The following TRIM2 variants were observed in gnomAD, a reference collection of about 807,000 sequenced individuals.
TRIM2 encodes the protein tripartite motif-containing protein 2.
In TRIM2, 20 loss-of-function variants were observed where a neutral mutation model predicts 75.2. That is an observed-to-expected ratio of 0.27 (90% CI 0.19 to 0.39). The LOEUF is 0.39. Among genes scored for constraint, TRIM2 ranks in the 10% least tolerant of loss-of-function variants. TRIM2 has a pLI of 1.00. For synonymous variants in TRIM2, 373 were observed against 388.3 expected (o/e 0.96, Z 0.46); for missense variants, 660 against 990.8 (o/e 0.67, Z 4.48).
intron 1 of TRIM2, among the ~76,000 whole-genome samples, chr4:153,195,471 G>A (rs1733669344): frequency 1.3e-5 from 2 of 152,026 alleles, no homozygotes; most frequent in South Asian, 2.1e-4. Flanking sequence ...AGCTGAGATC[G>A]CACCACTACG....
chr4:153,254,615 A>G (rs1751620849), intron 1 of TRIM2, among the ~76,000 whole-genome samples: 1 of 152,202 alleles, frequency 6.6e-6, no homozygotes, highest in African/African-American at 2.4e-5. Flanking sequence ...TGCCAAGGAG[A>G]TGATGCTTGG....
intron 3 of TRIM2, among the ~76,000 whole-genome samples, chr4:153,288,377 C>G (rs1761126546): frequency 6.6e-6 from 1 of 152,086 alleles, no homozygotes; most frequent in Admixed American, 6.5e-5. Context: ...CCAGAGGTTG[C>G]AGTGAGCCAA....
intron 1 of TRIM2, among the ~76,000 whole-genome samples, chr4:153,157,550 A>C (rs1729348460): frequency 6.6e-6 from 1 of 152,208 alleles, no homozygotes; most frequent in African/African-American, 2.4e-5. Flanking sequence ...CCCAATTTTG[A>C]GTTGCCAAAA....
At chr4:153,172,235 C>A (rs137897438) in intron 1 of TRIM2, among the ~76,000 whole-genome samples, 86 of 151,938 alleles carry the variant, frequency 5.7e-4, no homozygotes, top group African/African-American at 1.9e-3. Context: ...TCACCCAGGC[C>A]GGAGTGCAGT....
chr4:153,260,671 C>G (rs572411026), intron 1 of TRIM2, among the ~76,000 whole-genome samples: 1 of 113,812 alleles, frequency 8.8e-6, no homozygotes, highest in African/African-American at 3.1e-5. Context: ...CCAAAACACA[C>G]ACACCCACCC....
chr4:153,198,844 G>A (rs910908062), intron 1 of TRIM2, among the ~76,000 whole-genome samples: 2 of 152,162 alleles, frequency 1.3e-5, no homozygotes, highest in African/African-American at 2.4e-5. Flanking sequence ...CTCTGCTTAT[G>A]GGTAATTGAG....
intron 6 of TRIM2, among the ~76,000 whole-genome samples, chr4:153,303,020 T>A (rs547102955): frequency 4.1e-4 from 63 of 152,292 alleles, no homozygotes; most frequent in Middle Eastern, 3.4e-3. Context: ...ACAGATCAGG[T>A]GACAATGCAT....
chr4:153,302,305 A>G (rs778137176), intron 6 of TRIM2, among the ~76,000 whole-genome samples: 8 of 152,202 alleles, frequency 5.3e-5, no homozygotes, highest in Non-Finnish European at 1.0e-4. Context: ...TCACTATGCA[A>G]TAATATACCT....
chr4:153,244,990 C>T (rs1748735180), intron 1 of TRIM2, among the ~76,000 whole-genome samples: 1 of 152,184 alleles, frequency 6.6e-6, no homozygotes, highest in Non-Finnish European at 1.5e-5. Flanking sequence ...TCATTCATCA[C>T]AGGTTCTTTT....
At chr4:153,222,185 A>C (rs1471991005) in intron 1 of TRIM2, 1 of 151,856 alleles carries the variant, frequency 6.6e-6, no homozygotes, top group Non-Finnish European at 1.5e-5. Context: ...TACTTGACTC[A>C]TTTGTTAACA....
intron 3 of TRIM2, among the ~76,000 whole-genome samples, chr4:153,286,615 C>T (rs1378276509): frequency 6.6e-6 from 1 of 152,118 alleles, no homozygotes; most frequent in East Asian, 1.9e-4. Context: ...TAGCATAAAA[C>T]TATCCACAGT....
chr4:153,234,176 T>C (rs928677074), intron 1 of TRIM2, among the ~76,000 whole-genome samples: 2 of 152,198 alleles, frequency 1.3e-5, no homozygotes, highest in African/African-American at 4.8e-5. Context: ...TGGGGCATTA[T>C]TTGGCAGAAG....
intron 3 of TRIM2, among the ~76,000 whole-genome samples, chr4:153,280,656 G>C (rs1211093888): frequency 6.6e-6 from 1 of 151,946 alleles, no homozygotes; most frequent in Non-Finnish European, 1.5e-5. Context: ...TAGGATTACA[G>C]GCATGAGCCA....
chr4:153,257,304 C>T (rs759394263), intron 1 of TRIM2: 23 of 662,404 alleles, frequency 3.5e-5, no homozygotes, highest in Non-Finnish European at 4.5e-5. Flanking sequence ...AGAGGGAAAG[C>T]AAGCCACCCA....
intron 11 of TRIM2, among the ~76,000 whole-genome samples, chr4:153,329,844 T>TA (rs935599525): frequency 3.4e-4 from 43 of 126,320 alleles, no homozygotes; most frequent in East Asian, 8.8e-4. Context: ...CTCAAAAAAT[T>TA]AAAAAAAAAA....
intron 10 of TRIM2, among the ~76,000 whole-genome samples, chr4:153,324,967 T>C (rs1256368916): frequency 6.6e-6 from 1 of 152,204 alleles, no homozygotes; most frequent in Non-Finnish European, 1.5e-5. Context: ...TTAAATACAT[T>C]AATCTAAATT....
intron 6 of TRIM2, among the ~76,000 whole-genome samples, chr4:153,309,126 A>G (rs1765676935): frequency 6.6e-6 from 1 of 152,252 alleles, no homozygotes; most frequent in South Asian, 2.1e-4. Context: ...ACAGTTAAAT[A>G]AAGTATCATG....
intron 1 of TRIM2, among the ~76,000 whole-genome samples, chr4:153,184,703 C>T (rs939913705): frequency 2.6e-5 from 4 of 152,170 alleles, no homozygotes. Context: ...TTCCACTGTG[C>T]ATATTGGAAA....
At chr4:153,161,272 T>C (rs567654870) in intron 1 of TRIM2, among the ~76,000 whole-genome samples, 29 of 152,340 alleles carry the variant, frequency 1.9e-4, no homozygotes, top group African/African-American at 6.7e-4. Context: ...AGCACAGAGA[T>C]GAATCAAATA....
Sources: gnomAD v4.1 joint callset for allele counts (sites outside exome capture counted in the v4.1 genomes callset) on GRCh38, gnomAD v4.1.1 for gene constraint, MANE v1.5 for transcripts, NCBI Gene and HGNC (gene_info 2026-07-23, HGNC 2026-07-21) for gene names.